Variants in MASP2 observed in about 807,000 individuals in gnomAD.
MASP2 encodes the protein MBL associated serine protease 2.
A neutral mutation model predicts 57.1 loss-of-function variants in MASP2; 49 were observed. The ratio of observed to expected loss-of-function variants is 0.86; its 90% confidence interval spans 0.68 to 1.09. The LOEUF (loss-of-function observed/expected upper bound fraction) is 1.09, where lower values mean the gene tolerates loss of function less well. MASP2 is among the 50% of genes least tolerant of loss of function. The pLI is 0.00. For missense variants in MASP2, 900 were observed against 874.8 expected (o/e 1.03, Z -0.36); for synonymous variants, 379 against 340.8 (o/e 1.11, Z -1.24).
Position 11,032,287 on chromosome 1 carries a change from TTGTG to T in MASP2, c.1088-1409_1088-1406del, listed in dbSNP as rs1348798572. 3.3e-5 allele frequency among the ~76,000 whole-genome samples: 5 copies of T among 152,268 alleles called. No homozygotes were observed. The East Asian group carries it at 9.7e-4, about 29-fold the overall frequency. On this transcript the variant is annotated intron_variant, in intron 8 of 10. Coordinates refer to ENST00000400897, the MANE Select transcript of MASP2 (RefSeq NM_006610.4). Reference sequence around the variant, plus strand: ...GTGTATACTTGCTCACACATGTGAATTGTGTGTAATTGGAGGGACACACACCAAA... The same window carrying T: ...GTGTATACTTGCTCACACATGTGAATTGTAATTGGAGGGACACACACCAAA...
At chr1:11,031,472 A>T (rs6696747) in intron 8 of MASP2, among the ~76,000 whole-genome samples, 121,833 of 144,350 alleles carry the variant, frequency 0.84, 51,502 homozygotes, top group African/African-American at 0.89. Context: ...GAGCTTGCAG[A>T]GAGCCAAGAT....
chr1:11,033,428 T>G (rs189035769), intron 8 of MASP2, among the ~76,000 whole-genome samples: 3 of 152,234 alleles, frequency 2.0e-5, no homozygotes, highest in African/African-American at 7.2e-5. Context: ...GTGGGTTGCC[T>G]GAGCTCAGGA....
chr1:11,041,096 A>AGGATAGAT (rs1553161663), intron 6 of MASP2, among the ~76,000 whole-genome samples: 1 of 10,130 alleles, frequency 9.9e-5, no homozygotes, highest in Non-Finnish European at 4.0e-4. Flanking sequence ...GATGGATAGA[A>AGGATAGAT]GGATGGATAG....
chr1:11,037,654 C>CA, intron 7 of MASP2, 39 bp downstream of exon 7: 3 of 1,274,406 alleles, frequency 2.4e-6, no homozygotes, highest in Non-Finnish European at 3.3e-6. Context: ...CATTTCAAAG[C>CA]AATCGTCATT....
At position 11,046,966 on chromosome 1, in the gene MASP2, G is replaced by T; in HGVS notation, c.159C>A (p.Pro53=). Residue 53 remains proline, a synonymous_variant, in exon 2 of 11, where the codon CCC becomes CCA. Transcript: ENST00000400897. ...TGAAGTAGAGGCGCAGGCGGTAGCC[G>T]GGGGGTGCAGTCAGGGTCCAGCGCC... ...QERRWTLTAP[P]GYRLRLYFTH... 6.4e-7 allele frequency: 1 copy of T among 1,562,870 alleles called. No homozygotes were observed.
chr1:11,030,718 C>T, intron 9 of MASP2, 30 bp downstream of exon 9: 1 of 1,566,204 alleles, frequency 6.4e-7, no homozygotes, highest in Non-Finnish European at 8.6e-7. Context: ...CCAAGTATTG[C>T]CCACCCCCAA....
rs143927878 is a variant in MASP2, at chr1:11,040,858, GTGGATGGA to G, written c.889+2009_889+2016del. Among the ~76,000 whole-genome samples, 22 of 150,084 alleles carry G rather than the reference GTGGATGGA, an allele frequency of 1.5e-4. No homozygotes were observed. The South Asian group carries it at 4.7e-3, about 32-fold the overall frequency. On this transcript the variant is annotated intron_variant, in intron 6 of 10. Coordinates refer to ENST00000400897, the MANE Select transcript of MASP2 (RefSeq NM_006610.4). ...GATGGATGACTGGGAGAATGGGTGG[GTGGATGGA>G]TGGATGGATGGATGGGTAGGTAGGT...
At chr1:11,032,629 C>T (rs1203816219) in intron 8 of MASP2, among the ~76,000 whole-genome samples, 1 of 136,556 alleles carries the variant, frequency 7.3e-6, no homozygotes, top group Non-Finnish European at 1.5e-5. Context: ...AAAAAAGTGG[C>T]TGGTCACGGT....
intron 10 of MASP2, 55 bp downstream of exon 10, chr1:11,030,121 T>C (rs563836291): frequency 1.5e-6 from 2 of 1,322,780 alleles, no homozygotes; most frequent in East Asian, 4.6e-5. Context: ...CACTGTCTCC[T>C]ACCCAGTCCT....
In MASP2 at chr1:11,045,786, G is replaced by A. The variant is rs576532904; in HGVS notation, c.413-247C>T. On this transcript the variant is annotated intron_variant, in intron 3 of 10. Transcript: ENST00000400897. ...CAGTGGGAGTTTCAGTGTCCGGCCC[G>A]AGGTCACCCAGCTAATGAGGGGAGT... 4.0e-5 allele frequency: 22 copies of A among 554,476 alleles called. No individual in the cohort carries two copies. The South Asian group carries it at 4.1e-4, about 10-fold the overall frequency. 34.3% of individuals were successfully genotyped at this position (554,476 alleles called of 1,614,324 possible). A position where few individuals can be genotyped will look rare whatever the true frequency, so the allele number is the denominator to read the frequency against.
intron 10 of MASP2, among the ~76,000 whole-genome samples, chr1:11,028,057 A>G (rs2100869154): frequency 6.6e-6 from 1 of 152,196 alleles, no homozygotes; most frequent in African/African-American, 2.4e-5. Context: ...CCCTGTCTCT[A>G]CTACATACAC....
At chr1:11,041,590 G>A (rs1430411869) in intron 6 of MASP2, among the ~76,000 whole-genome samples, 3 of 146,318 alleles carry the variant, frequency 2.1e-5, no homozygotes, top group African/African-American at 7.8e-5. Context: ...GTGGGTGGGT[G>A]GATGGATGGT....
At chr1:11,044,681 C>A in intron 4 of MASP2, 1 of 957,806 alleles carries the variant, frequency 1.0e-6, no homozygotes, top group Non-Finnish European at 1.5e-6. Flanking sequence ...GAGCCTGTGG[C>A]CCCATGGAGG....
In MASP2 at chr1:11,037,734, T is replaced by G. The variant is rs771074354; in HGVS notation, c.967A>C (p.Ser323Arg). The G allele has an allele frequency of 1.9e-6, 3 of 1,612,958 alleles. No homozygotes were observed. In the East Asian group the frequency reaches 6.7e-5, roughly 36 times the overall value. Reference sequence around the variant, plus strand: ...CCAGTCTCGCAAAAGATGGAGAAGCTGTCTTTCAGGATGTATTTGGCTTGC... The same window carrying G: ...CCAGTCTCGCAAAAGATGGAGAAGCGGTCTTTCAGGATGTATTTGGCTTGC... ...PVQAKYILKD[S>R]FSIFCETGYE... The change falls in exon 7 of 11, where the codon AGC becomes CGC. Residue 323 changes from serine (S) to arginine (R), a missense_variant. Ser to Arg is a moderately radical substitution (Grantham distance 110). Transcript: ENST00000400897.
chr1:11,039,806 GGATA>G lies in MASP2; in HGVS notation c.890-1999_890-1996del, dbSNP rs758896705. ...TGGATGGTTGGATGAATAGAAGAATGGATAGATAGAAGGATGGGTGGATGCAAGG... is the reference window on the plus strand; with the variant it reads ...TGGATGGTTGGATGAATAGAAGAATGGATAGAAGGATGGGTGGATGCAAGG... On this transcript the variant is annotated intron_variant, in intron 6 of 10. Transcript: ENST00000400897. 1.5e-4 allele frequency among the ~76,000 whole-genome samples: 23 copies of G among 149,882 alleles called. No individual in the cohort carries two copies. The East Asian group carries it at 2.0e-3, about 13-fold the overall frequency.
At position 11,043,374 on chromosome 1, in the gene MASP2, G is replaced by A; in HGVS notation, c.706C>T (p.His236Tyr). The change falls in exon 5 of 11, where the codon CAC becomes TAC. Residue 236 changes from histidine to tyrosine, a missense_variant. By Grantham distance (83) the His-to-Tyr change is moderately conservative. Transcript: ENST00000400897. ...TCGTAGGGACACAGGGTTTCAGGGT[G>A]TGTCTCCACATCGAAGGACTCCACA... ...DFVESFDVETHPETLCPYDFL... is the reference protein window; with the variant it reads ...DFVESFDVETYPETLCPYDFL... 6.2e-7 allele frequency: 1 copy of A among 1,609,434 alleles called. No homozygotes were observed. Among genetic ancestry groups the A allele is most frequent in the Non-Finnish European group, 8.5e-7 (1 of 1,178,336 alleles).
At chr1:11,037,516 G>A (rs1227845505) in intron 7 of MASP2, among the ~76,000 whole-genome samples, 177 bp downstream of exon 7, 1 of 152,158 alleles carries the variant, frequency 6.6e-6, no homozygotes, top group East Asian at 1.9e-4. Flanking sequence ...ATTTTCCATA[G>A]CCATCCTTTT....
At chr1:11,031,751 AC>A (rs1643849740) in intron 8 of MASP2, among the ~76,000 whole-genome samples, 1 of 151,502 alleles carries the variant, frequency 6.6e-6, no homozygotes, top group Non-Finnish European at 1.5e-5. Context: ...CAATAGCGAA[AC>A]CCTCTCTACA....
rs753195015 is a variant in MASP2, at chr1:11,027,273, GCTT to G, written c.1670_1672del (p.Glu557del). ...GTCATCTGTCCTCATAAAGGATTCA[GCTT>G]CTTTTCTTGGCAGACAAATAGGCGT... On this transcript the variant is annotated inframe_deletion, in exon 11 of 11. Transcript: ENST00000400897. The G allele has an allele frequency of 1.5e-5, 25 of 1,613,890 alleles. No homozygotes were observed. Among genetic ancestry groups the G allele is most frequent in the South Asian group, 2.2e-5 (2 of 91,068 alleles).
Sources: gnomAD v4.1 joint callset for allele counts (sites outside exome capture counted in the v4.1 genomes callset) on GRCh38, gnomAD v4.1.1 for gene constraint, MANE v1.5 for transcripts, NCBI Gene and HGNC (gene_info 2026-07-23, HGNC 2026-07-21) for gene names.